THTPA: variants seen among roughly 807,000 people sequenced by gnomAD.
The protein encoded by THTPA is thiamine triphosphatase, also known as thiamine-triphosphatase.
In THTPA, 16 loss-of-function variants were observed where a neutral mutation model predicts 16.5. The observed-to-expected ratio is 0.97, with a 90% confidence interval of 0.66 to 1.47. The LOEUF (loss-of-function observed/expected upper bound fraction) is 1.47. THTPA is among the 40% of genes most tolerant of loss of function. The pLI is 0.00. For missense variants in THTPA, 281 were observed against 280.9 expected (o/e 1.00, Z 0.00); for synonymous variants, 110 against 115.5 (o/e 0.95, Z 0.30).
the THTPA span, chr14:23,525,080 T>C: frequency 1.2e-5 from 19 of 1,535,970 alleles, no homozygotes; most frequent in Non-Finnish European, 1.7e-5. This position sits in a 1 kb window ranked among gnomAD's most constrained non-coding sequence, Gnocchi z 5.9. Flanking sequence ...CTCTCCGTCT[T>C]TGGGGTAGGC....
At chr14:23,534,091 G>A in the THTPA span, 1 of 1,500,138 alleles carries the variant, frequency 6.7e-7, no homozygotes, top group Non-Finnish European at 8.9e-7. This position sits in a 1 kb window ranked among gnomAD's most constrained non-coding sequence, Gnocchi z 4.5. Context: ...TGGGTCACTG[G>A]GGTCTTCGGG....
chr14:23,533,589 G>T, the THTPA span: 1 of 1,536,696 alleles, frequency 6.5e-7, no homozygotes, highest in Non-Finnish European at 8.7e-7. This position sits in a 1 kb window ranked among gnomAD's most constrained non-coding sequence, Gnocchi z 4.8. Flanking sequence ...TACGGGAGAT[G>T]TTTGTCTCGT....
the THTPA span, chr14:23,528,601 T>A: frequency 1.0e-6 from 1 of 985,408 alleles, no homozygotes; most frequent in Non-Finnish European, 1.2e-6. Flanking sequence ...TCTGCCTCTG[T>A]GAACCATCAC....
chr14:23,523,046 T>C, the THTPA span: 1 of 1,403,548 alleles, frequency 7.1e-7, no homozygotes, highest in South Asian at 1.7e-5. This position sits in a 1 kb window ranked among gnomAD's most constrained non-coding sequence, Gnocchi z 4.1. Context: ...AGCACCGGAT[T>C]TCCATGCCCC....
the THTPA span, chr14:23,530,131 G>C: frequency 1.3e-6 from 2 of 1,535,974 alleles, no homozygotes; most frequent in African/African-American, 1.4e-5. Flanking sequence ...CAATTGTTCT[G>C]TCTTGTTCTG....
Position 23,559,971 on chromosome 14 carries a change from G to A in THTPA, c.*1131G>A. The A allele has an allele frequency of 6.2e-7, 1 of 1,613,308 alleles. No homozygotes were observed. Among genetic ancestry groups the A allele is most frequent in the Non-Finnish European group, 8.5e-7 (1 of 1,179,514 alleles). ...GATTGAGGATTCTGAAGAGCTGGGT[G>A]ATAGGAAGGCCACCCCGAGCTGGAA... is the stretch of plus-strand genomic sequence containing the variant. On this transcript the variant is annotated 3_prime_UTR_variant, in exon 2 of 2. Coordinates refer to ENST00000288014, the MANE Select transcript of THTPA (RefSeq NM_024328.6).
At chr14:23,520,645 T>C in the THTPA span, among the ~76,000 whole-genome samples, 5 of 152,056 alleles carry the variant, frequency 3.3e-5, no homozygotes, top group Non-Finnish European at 5.9e-5. This position sits in a 1 kb window ranked among gnomAD's most constrained non-coding sequence, Gnocchi z 8.7. Context: ...CAGGCTCTTC[T>C]CCCTGTATCG....
chr14:23,526,384 G>T, the THTPA span: 1 of 1,536,398 alleles, frequency 6.5e-7, no homozygotes, highest in Non-Finnish European at 8.7e-7. Flanking sequence ...GCCGGGCAGG[G>T]TCGAGAAACT....
At chr14:23,548,862 C>A in the THTPA span, among the ~76,000 whole-genome samples, 1 of 152,188 alleles carries the variant, frequency 6.6e-6, no homozygotes, top group Non-Finnish European at 1.5e-5. Context: ...CCCCGCAGTG[C>A]TCTCGCTCTC....
the THTPA span, chr14:23,533,943 G>A: frequency 6.5e-7 from 1 of 1,538,090 alleles, no homozygotes; most frequent in Non-Finnish European, 8.7e-7. The surrounding 1 kb of genome is among the most constrained non-coding windows in gnomAD (Gnocchi z 4.8). Flanking sequence ...GGTACTTGTA[G>A]TGCCAGTTGC....
the THTPA span, chr14:23,523,163 T>A: frequency 7.1e-7 from 1 of 1,408,774 alleles, no homozygotes; most frequent in African/African-American, 1.4e-5. The surrounding 1 kb of genome is among the most constrained non-coding windows in gnomAD (Gnocchi z 4.1). Flanking sequence ...TAGAGGGGGA[T>A]GTTCTCTGAA....
At chr14:23,527,909 T>TC in the THTPA span, 1 of 1,038,308 alleles carries the variant, frequency 9.6e-7, no homozygotes, top group East Asian at 2.6e-5. Context: ...TCCTTTTTTT[T>TC]TTTTTTTTTT....
Position 23,556,630 on chromosome 14 carries a change from A to G in THTPA, c.-128A>G. 1 of 947,204 alleles carries G rather than the reference A, an allele frequency of 1.1e-6. No individual in the cohort carries two copies. The highest frequency in any genetic ancestry group is 1.5e-6 in the Non-Finnish European group (1 of 647,218). The allele number at this position is 947,204 out of a possible 1,614,324, so 58.7% of individuals were successfully genotyped here. ...GGCAGTAGCCCTAGAGACTATTGCG[A>G]CACAGTGTGCCCCTCATAAGTTTTT... On this transcript the variant is annotated 5_prime_UTR_variant, in exon 1 of 2. Coordinates refer to ENST00000288014, the MANE Select transcript of THTPA (RefSeq NM_024328.6).
the THTPA span, chr14:23,520,860 T>C: frequency 2.0e-5 from 3 of 148,810 alleles, no homozygotes; most frequent in Non-Finnish European, 4.4e-5. The surrounding 1 kb of genome is among the most constrained non-coding windows in gnomAD (Gnocchi z 8.7). Context: ...ACTTGTCTGA[T>C]GGGAGTTTTC....
At chr14:23,552,432 A>G (rs1479171005), upstream of THTPA, among the ~76,000 whole-genome samples, 1 of 150,430 alleles carries the variant, frequency 6.6e-6, no homozygotes, top group Non-Finnish European at 1.5e-5. Flanking sequence ...AGCTGGGATT[A>G]CAGGCATGCA....
At chr14:23,523,741 G>A in the THTPA span, 1 of 1,536,234 alleles carries the variant, frequency 6.5e-7, no homozygotes, top group Non-Finnish European at 8.7e-7. This position sits in a 1 kb window ranked among gnomAD's most constrained non-coding sequence, Gnocchi z 4.1. Flanking sequence ...GGGTCCTGTA[G>A]CGCCGCTGCC....
the THTPA span, chr14:23,529,823 G>A: frequency 6.7e-7 from 1 of 1,497,882 alleles, no homozygotes; most frequent in Non-Finnish European, 9.0e-7. Flanking sequence ...AAGATGATTT[G>A]TAGCAGAGAG....
At chr14:23,515,586 C>G in the THTPA span, among the ~76,000 whole-genome samples, 10 of 152,192 alleles carry the variant, frequency 6.6e-5, no homozygotes, top group African/African-American at 2.4e-4. Context: ...GAAAACTAGA[C>G]CTTGAGCCCC....
the THTPA span, among the ~76,000 whole-genome samples, chr14:23,517,268 CAA>C: frequency 6.6e-6 from 1 of 152,200 alleles, no homozygotes; most frequent in East Asian, 1.9e-4. Context: ...TAGTTTCTCT[CAA>C]GAGGAATTAC....
Sources: gnomAD v4.1 joint callset for allele counts (sites outside exome capture counted in the v4.1 genomes callset) on GRCh38, gnomAD v4.1.1 for gene constraint, Gnocchi (gnomAD v3.1) non-coding constraint, MANE v1.5 for transcripts, NCBI Gene and HGNC (gene_info 2026-07-23, HGNC 2026-07-21) for gene names.